ABI1: variants seen among roughly 807,000 people sequenced by gnomAD.
ABI1 encodes abl interactor 1.
In ABI1, 14 loss-of-function variants were observed where a neutral mutation model predicts 54.6. The ratio of observed to expected loss-of-function variants is 0.26; its 90% confidence interval spans 0.17 to 0.40. The LOEUF is 0.40. Ranked by LOEUF, ABI1 falls within the 10% of genes least tolerant of loss-of-function variation. The pLI, the probability that ABI1 is intolerant of heterozygous loss-of-function variation, is 1.00. For missense variants in ABI1, 443 were observed against 598.3 expected (o/e 0.74, Z 2.71); for synonymous variants, 194 against 209.3 (o/e 0.93, Z 0.63).
At chr10:26,842,872 C>T (rs1229686173) in intron 1 of ABI1, among the ~76,000 whole-genome samples, 1 of 151,932 alleles carries the variant, frequency 6.6e-6, no homozygotes, top group African/African-American at 2.4e-5. Flanking sequence ...GGTGAAACCT[C>T]ACCTCTACTA....
At chr10:26,791,957 C>A (rs534895786) in intron 2 of ABI1, among the ~76,000 whole-genome samples, 1 of 151,986 alleles carries the variant, frequency 6.6e-6, no homozygotes, top group Admixed American at 6.6e-5. Context: ...ATATGTAATA[C>A]GGATAAATCT....
intron 1 of ABI1, among the ~76,000 whole-genome samples, chr10:26,857,848 CAAAAA>C (rs1168285053): frequency 1.0e-5 from 1 of 100,204 alleles, no homozygotes. Context: ...AAGTCTGTCT[CAAAAA>C]AAAAAAAAAA....
At chr10:26,777,910 A>C (rs1361507836) in intron 2 of ABI1, among the ~76,000 whole-genome samples, 7 of 152,162 alleles carry the variant, frequency 4.6e-5, no homozygotes, top group Non-Finnish European at 1.5e-5. Flanking sequence ...CAATGAGGCA[A>C]GTGCTATAAT....
chr10:26,792,301 T>C (rs768196321), intron 2 of ABI1, among the ~76,000 whole-genome samples: 1 of 152,132 alleles, frequency 6.6e-6, no homozygotes, highest in Non-Finnish European at 1.5e-5. Context: ...TACACACAAA[T>C]AGCATACAGA....
At chr10:26,826,154 A>G (rs1428947915) in intron 1 of ABI1, among the ~76,000 whole-genome samples, 1 of 152,252 alleles carries the variant, frequency 6.6e-6, no homozygotes, top group Non-Finnish European at 1.5e-5. Flanking sequence ...AGGCAGCTAT[A>G]GCCTTACAAA....
chr10:26,799,355 C>A (rs1435814326), intron 2 of ABI1, among the ~76,000 whole-genome samples: 1 of 152,120 alleles, frequency 6.6e-6, no homozygotes, highest in East Asian at 1.9e-4. Context: ...TGCATTTTCT[C>A]AAAAATATTT....
At chr10:26,827,758 A>T (rs2048404252) in intron 1 of ABI1, among the ~76,000 whole-genome samples, 2 of 151,858 alleles carry the variant, frequency 1.3e-5, no homozygotes, top group Admixed American at 6.6e-5. Context: ...ATGCCCAGGT[A>T]TTTTTTGTAT....
Position 26,770,639 on chromosome 10 carries a change from C to G in ABI1, c.478-294G>C, listed in dbSNP as rs966410615. ...GAGATCAAACTTATCTGCATTCAAA[C>G]ACTGGGTTTCCTAAAATTTTTGAAA... On this transcript the variant is annotated intron_variant, in intron 4 of 10. Transcript: ENST00000376140. The G allele has an allele frequency of 2.8e-4, 169 of 593,678 alleles. 2 individuals are homozygous for G. The Middle Eastern group carries it at 3.6e-3, about 13-fold the overall frequency. The allele number at this position is 593,678 out of a possible 1,614,324, so 36.8% of individuals were successfully genotyped here.
At chr10:26,767,308 C>T (rs1191372433) in intron 6 of ABI1, among the ~76,000 whole-genome samples, 1 of 152,122 alleles carries the variant, frequency 6.6e-6, no homozygotes, top group Non-Finnish European at 1.5e-5. Context: ...GTAATAAATA[C>T]CGCTTACCTA....
intron 2 of ABI1, among the ~76,000 whole-genome samples, chr10:26,780,912 T>C (rs954794305): frequency 2.0e-5 from 3 of 152,226 alleles, no homozygotes; most frequent in Non-Finnish European, 4.4e-5. Context: ...CTTTGGACCA[T>C]TCAATGTACT....
At chr10:26,806,747 A>T (rs1479946823) in intron 2 of ABI1, among the ~76,000 whole-genome samples, 2 of 152,218 alleles carry the variant, frequency 1.3e-5, no homozygotes, top group African/African-American at 4.8e-5. Flanking sequence ...TTACAGGGGA[A>T]GCAGCACACC....
At chr10:26,828,869 A>C (rs2048477117) in intron 1 of ABI1, among the ~76,000 whole-genome samples, 2 of 152,344 alleles carry the variant, frequency 1.3e-5, no homozygotes, top group Non-Finnish European at 2.9e-5. Context: ...CATGGTTCAA[A>C]ATAGATTTTG....
intron 1 of ABI1, among the ~76,000 whole-genome samples, chr10:26,858,155 A>C (rs868100353): frequency 6.6e-6 from 1 of 152,236 alleles, no homozygotes; most frequent in Non-Finnish European, 1.5e-5. Context: ...CGTGAACTGC[A>C]TACTTTCACT....
intron 2 of ABI1, among the ~76,000 whole-genome samples, chr10:26,801,847 T>G (rs768022641): frequency 1.3e-5 from 2 of 152,230 alleles, no homozygotes; most frequent in South Asian, 2.1e-4. Flanking sequence ...TGCTAGACAA[T>G]GGGAATAGAG....
chr10:26,827,451 G>C (rs1207610047), intron 1 of ABI1, among the ~76,000 whole-genome samples: 1 of 151,496 alleles, frequency 6.6e-6, no homozygotes, highest in Non-Finnish European at 1.5e-5. Context: ...TCGATCTCCT[G>C]ACCTTGTGAT....
chr10:26,798,531 C>G (rs1312144892), intron 2 of ABI1, among the ~76,000 whole-genome samples: 1 of 151,926 alleles, frequency 6.6e-6, no homozygotes, highest in Non-Finnish European at 1.5e-5. Context: ...GGAACACAGC[C>G]CTATCCACAT....
At chr10:26,811,046 A>G (rs2047196614) in intron 2 of ABI1, among the ~76,000 whole-genome samples, 1 of 152,142 alleles carries the variant, frequency 6.6e-6, no homozygotes, top group African/African-American at 2.4e-5. Flanking sequence ...AAAATTTCAG[A>G]TATCTAAAAT....
chr10:26,819,878 A>C (rs765877139), intron 2 of ABI1, among the ~76,000 whole-genome samples: 4 of 152,228 alleles, frequency 2.6e-5, no homozygotes, highest in Non-Finnish European at 5.9e-5. Flanking sequence ...GCAACATGAC[A>C]CAACAGATGA....
At chr10:26,762,315 T>G (rs1457640611) in intron 7 of ABI1, among the ~76,000 whole-genome samples, 1 of 152,206 alleles carries the variant, frequency 6.6e-6, no homozygotes, top group East Asian at 1.9e-4. Context: ...GCCTTACAGC[T>G]TGTTATAATA....
Sources: gnomAD v4.1 joint callset for allele counts (sites outside exome capture counted in the v4.1 genomes callset) on GRCh38, gnomAD v4.1.1 for gene constraint, MANE v1.5 for transcripts, NCBI Gene and HGNC (gene_info 2026-07-23, HGNC 2026-07-21) for gene names.